Variants in NRG3 observed in about 807,000 individuals in gnomAD.
The protein encoded by NRG3 is neuregulin 3.
NRG3 carries 31 observed loss-of-function variants against 66.9 expected under a neutral mutation model. The ratio of observed to expected loss-of-function variants is 0.46; its 90% confidence interval spans 0.35 to 0.63. NRG3 has a LOEUF of 0.63. NRG3 is among the 20% of genes least tolerant of loss of function. The probability of loss-of-function intolerance (pLI) is 0.00; values close to 1 mark genes in which losing one functional copy is unlikely to be tolerated. For missense variants in NRG3, 910 were observed against 878.9 expected (o/e 1.04, Z -0.45); for synonymous variants, 393 against 359.4 (o/e 1.09, Z -1.06).
chr10:82,268,830 G>T (rs2134285349), intron 1 of NRG3, among the ~76,000 whole-genome samples: 1 of 152,208 alleles, frequency 6.6e-6, no homozygotes, highest in Middle Eastern at 3.4e-3. Context: ...CCATCTCTAA[G>T]GAAGAGGATT....
intron 1 of NRG3, among the ~76,000 whole-genome samples, chr10:81,915,405 C>G (rs1845583872): frequency 6.6e-6 from 1 of 151,400 alleles, no homozygotes; most frequent in African/African-American, 2.4e-5. Flanking sequence ...TCCTGAGTGG[C>G]CAAAAAGGAG....
At position 82,577,376 on chromosome 10, in the gene NRG3, A is replaced by G. The variant is rs1357116268; in HGVS notation, c.954-161201A>G. ...TTGAATGAAGTGTAATTTCTACTCA[A>G]AACTTTTATAGTTATAGGAATAAGA... is the stretch of plus-strand genomic sequence containing the variant. On this transcript the variant is annotated intron_variant, in intron 2 of 8. Transcript: ENST00000372141. Among the ~76,000 whole-genome samples the G allele has an allele frequency of 2.0e-5, 3 of 151,808 alleles. No homozygotes were observed. The East Asian group carries it at 5.8e-4, about 29-fold the overall frequency.
chr10:82,892,145 TAAG>T (rs1843209190), intron 4 of NRG3, among the ~76,000 whole-genome samples: 1 of 152,118 alleles, frequency 6.6e-6, no homozygotes, highest in Non-Finnish European at 1.5e-5. Context: ...TTGCTAGATA[TAAG>T]AGTTCTATTT....
intron 1 of NRG3, among the ~76,000 whole-genome samples, chr10:82,283,094 G>A (rs1005103757): frequency 7.9e-5 from 12 of 151,956 alleles, no homozygotes; most frequent in East Asian, 1.9e-4. Flanking sequence ...CTGTCTTCTC[G>A]GTCTTAATCT....
chr10:82,623,481 T>C lies in NRG3; in HGVS notation c.954-115096T>C, dbSNP rs530892094. 1.2e-3 allele frequency among the ~76,000 whole-genome samples: 185 copies of C among 152,314 alleles called. 1 individual carries two copies. Among genetic ancestry groups the C allele is most frequent in the African/African-American group, 4.1e-3 (169 of 41,588 alleles). On this transcript the variant is annotated intron_variant, in intron 2 of 8. Transcript: ENST00000372141. ...TTTTCAGATTTTTACTTGCTTCTCA[T>C]TTATTCATCCATCCCACACTTTGGC...
chr10:82,275,121 C>G (rs2078777960), intron 1 of NRG3, among the ~76,000 whole-genome samples: 1 of 151,966 alleles, frequency 6.6e-6, no homozygotes, highest in South Asian at 2.1e-4. Context: ...AGCTTTGAAT[C>G]CAATAACCTA....
chr10:82,059,854 C>A (rs2064044201), intron 1 of NRG3, among the ~76,000 whole-genome samples: 3 of 152,148 alleles, frequency 2.0e-5, no homozygotes, highest in Admixed American at 6.5e-5. Context: ...TAGGTACCAC[C>A]AGTGGCTTCT....
At position 82,352,797 on chromosome 10, in the gene NRG3, G is replaced by A. The variant is rs563478975; in HGVS notation, c.824-5942G>A. On this transcript the variant is annotated intron_variant, in intron 1 of 8. Transcript: ENST00000372141. Reference sequence around the variant, plus strand: ...TGAGATGAGGAGTGAGAGACACAGAGGGCTTGGGAAGATTTTGGTCTTCAT... The same window carrying A: ...TGAGATGAGGAGTGAGAGACACAGAAGGCTTGGGAAGATTTTGGTCTTCAT... Among the ~76,000 whole-genome samples the A allele has an allele frequency of 2.0e-5, 3 of 152,090 alleles. No individual in the cohort carries two copies. In the East Asian group the frequency reaches 5.8e-4, roughly 29 times the overall value.
At position 82,636,837 on chromosome 10, in the gene NRG3, AGAGAGAGTGTGTGT is replaced by A. The variant is rs2050233320; in HGVS notation, c.954-101724_954-101711del. Among the ~76,000 whole-genome samples the A allele has an allele frequency of 2.7e-5, 4 of 150,620 alleles. No individual in the cohort carries two copies. The South Asian group carries it at 8.4e-4, about 32-fold the overall frequency. Reference sequence around the variant, plus strand: ...GGCTGTGTGTGTGTGTGTGTGTGAGAGAGAGAGTGTGTGTGAGAGAGTGTGTGTGTGTTTGAGAT... The same window carrying A: ...GGCTGTGTGTGTGTGTGTGTGTGAGAGAGAGAGTGTGTGTGTGTTTGAGAT... On this transcript the variant is annotated intron_variant, in intron 2 of 8. Transcript: ENST00000372141.
chr10:82,746,714 T>A (rs570505929), intron 3 of NRG3, among the ~76,000 whole-genome samples: 1 of 152,322 alleles, frequency 6.6e-6, no homozygotes, highest in East Asian at 1.9e-4. Context: ...ATTCATTATA[T>A]TGACATCTTA....
intron 3 of NRG3, among the ~76,000 whole-genome samples, chr10:82,740,352 A>T (rs1371649045): frequency 6.6e-6 from 1 of 152,050 alleles, no homozygotes; most frequent in Non-Finnish European, 1.5e-5. Context: ...AAAGTGGGTA[A>T]AAAAAACCTC....
chr10:82,276,099 G>T (rs899303142), intron 1 of NRG3, among the ~76,000 whole-genome samples: 1 of 151,856 alleles, frequency 6.6e-6, no homozygotes, highest in Non-Finnish European at 1.5e-5. Flanking sequence ...CAATAAGTTC[G>T]TTTTATTCAT....
At chr10:82,177,019 A>G (rs1239499019) in intron 1 of NRG3, among the ~76,000 whole-genome samples, 1 of 151,828 alleles carries the variant, frequency 6.6e-6, no homozygotes, top group Non-Finnish European at 1.5e-5. Context: ...CAAGTTACTC[A>G]ACATCGTAGC....
At chr10:82,795,723 G>C (rs917293752) in intron 3 of NRG3, among the ~76,000 whole-genome samples, 1 of 152,098 alleles carries the variant, frequency 6.6e-6, no homozygotes, top group Non-Finnish European at 1.5e-5. Context: ...TTTTAAAGGG[G>C]TAAAGCAGAA....
intron 2 of NRG3, among the ~76,000 whole-genome samples, chr10:82,560,736 TGTAA>T (rs1349594012): frequency 3.3e-5 from 5 of 151,544 alleles, no homozygotes; most frequent in South Asian, 2.1e-4. Context: ...TTTTAAAAGT[TGTAA>T]GTTTTTGTGA....
intron 1 of NRG3, among the ~76,000 whole-genome samples, chr10:82,325,798 T>G (rs1366898907): frequency 2.0e-5 from 3 of 152,152 alleles, no homozygotes; most frequent in Non-Finnish European, 4.4e-5. Context: ...ACTTCACTTC[T>G]CTCTCCCCTC....
At chr10:82,862,720 T>C (rs10885423) in intron 3 of NRG3, among the ~76,000 whole-genome samples, 70,907 of 152,004 alleles carry the variant, frequency 0.47, 17,073 homozygotes, top group African/African-American at 0.55. Context: ...TGATATAAAC[T>C]TCTTTGTCTA....
In NRG3 at chr10:81,998,656, C is replaced by T. The variant is rs7904813; in HGVS notation, c.823+122493C>T. 5.6e-3 allele frequency among the ~76,000 whole-genome samples: 854 copies of T among 152,286 alleles called. 5 individuals carry two copies. Among genetic ancestry groups the T allele is most frequent in the African/African-American group, 0.018 (734 of 41,570 alleles). Reference sequence around the variant, plus strand: ...GCACAAGTGTTATGTGATAAAACAACGTGTGTGATAGATAGAGGACCCAAT... The same window carrying T: ...GCACAAGTGTTATGTGATAAAACAATGTGTGTGATAGATAGAGGACCCAAT... On this transcript the variant is annotated intron_variant, in intron 1 of 8. Transcript: ENST00000372141.
At chr10:82,876,217 G>A (rs187154256) in intron 4 of NRG3, among the ~76,000 whole-genome samples, 322 of 151,982 alleles carry the variant, frequency 2.1e-3, no homozygotes, top group African/African-American at 7.3e-3. Context: ...AATATTTTCC[G>A]TAAAGTTGTT....
Sources: allele counts gnomAD v4.1 joint callset (sites outside exome capture counted in the v4.1 genomes callset), GRCh38; gene constraint gnomAD v4.1.1; transcripts MANE v1.5; gene names NCBI Gene and HGNC (gene_info 2026-07-23, HGNC 2026-07-21).